ROBO1: variants seen among roughly 807,000 people sequenced by gnomAD.
ROBO1 encodes roundabout homolog 1.
Under a neutral mutation model 195.9 loss-of-function variants are expected in ROBO1, and 149 were observed. The ratio of observed to expected loss-of-function variants is 0.76; its 90% CI spans 0.67 to 0.87. The LOEUF (loss-of-function observed/expected upper bound fraction) is 0.87. Among genes scored for constraint, ROBO1 ranks in the 40% least tolerant of loss-of-function variants. The pLI, the probability that ROBO1 is intolerant of heterozygous loss-of-function variation, is 0.00. For missense variants in ROBO1, 1,933 were observed against 2,068.3 expected (o/e 0.93, Z 1.27); for synonymous variants, 816 against 733.2 (o/e 1.11, Z -1.82).
chr3:78,602,799 C>G (rs1173796509), intron 29 of ROBO1, among the ~76,000 whole-genome samples: 1 of 152,280 alleles, frequency 6.6e-6, no homozygotes, highest in East Asian at 1.9e-4. Context: ...CAAACTCAAC[C>G]TGTTGAACAT....
At chr3:79,030,225 A>G (rs565292851) in intron 3 of ROBO1, among the ~76,000 whole-genome samples, 2 of 152,226 alleles carry the variant, frequency 1.3e-5, no homozygotes, top group East Asian at 1.9e-4. Context: ...CTCCCCATTG[A>G]CATTCTGCAA....
chr3:79,641,447 A>T (rs1945657960), intron 1 of ROBO1, among the ~76,000 whole-genome samples: 1 of 152,138 alleles, frequency 6.6e-6, no homozygotes, highest in Non-Finnish European at 1.5e-5. Context: ...ACCTAATGCT[A>T]GATGACGAGT....
At chr3:78,745,047 T>C (rs1385727034) in intron 5 of ROBO1, among the ~76,000 whole-genome samples, 1 of 152,126 alleles carries the variant, frequency 6.6e-6, no homozygotes, top group Non-Finnish European at 1.5e-5. Context: ...TGGTGGCTCA[T>C]GCCTGTAATC....
intron 2 of ROBO1, among the ~76,000 whole-genome samples, chr3:79,306,632 A>G (rs1025347411): frequency 2.0e-5 from 3 of 152,240 alleles, no homozygotes; most frequent in East Asian, 1.9e-4. Flanking sequence ...AGATATCAAT[A>G]TATAGTATTA....
chr3:79,657,521 A>C (rs1946203372), intron 1 of ROBO1, among the ~76,000 whole-genome samples: 1 of 152,098 alleles, frequency 6.6e-6, no homozygotes, highest in Non-Finnish European at 1.5e-5. Context: ...AACAAATAAA[A>C]GTTTCATTTA....
At chr3:78,670,330 T>C (rs778591495) in intron 10 of ROBO1, 29 bp from the exon 11 acceptor site, 4 of 1,542,742 alleles carry the variant, frequency 2.6e-6, no homozygotes, top group Admixed American at 2.0e-5. Context: ...GGAAATAGAT[T>C]TCTGCAACTG....
chr3:79,542,852 G>A (rs929118740), intron 2 of ROBO1, among the ~76,000 whole-genome samples: 1 of 151,944 alleles, frequency 6.6e-6, no homozygotes, highest in Non-Finnish European at 1.5e-5. Context: ...CTTTAAGGTA[G>A]TAATATCTGC....
At chr3:78,923,179 C>T (rs528943206) in intron 4 of ROBO1, among the ~76,000 whole-genome samples, 1 of 152,232 alleles carries the variant, frequency 6.6e-6, no homozygotes, top group South Asian at 2.1e-4. Context: ...AGAAAATCAG[C>T]TTCAAGAGTT....
intron 5 of ROBO1, among the ~76,000 whole-genome samples, chr3:78,742,206 G>A (rs578040525): frequency 2.0e-5 from 3 of 152,174 alleles, no homozygotes; most frequent in Non-Finnish European, 4.4e-5. Context: ...CAATAAGCAT[G>A]CAATCTTCAA....
At chr3:79,656,752 C>G (rs1335558830) in intron 1 of ROBO1, among the ~76,000 whole-genome samples, 1 of 151,934 alleles carries the variant, frequency 6.6e-6, no homozygotes, top group Non-Finnish European at 1.5e-5. Flanking sequence ...AAAAAAATAG[C>G]TGAGCATGGT....
Position 78,651,731 on chromosome 3 carries a change from C to T in ROBO1, c.2812+1G>A, listed in dbSNP as rs1706671786. On this transcript the variant is annotated splice_donor_variant, in intron 19 of 30. Transcript: ENST00000464233. LOFTEE classifies it high-confidence loss of function. ...TATGAAAACCTTGGGAAAGCTAATA[C>T]CTTTTCTGATACCCGCGTAGGTACT... is the stretch of plus-strand genomic sequence containing the variant. 6.3e-7 allele frequency: 1 copy of T among 1,581,124 alleles called. No homozygotes were observed. Among genetic ancestry groups the T allele is most frequent in the Non-Finnish European group, 8.6e-7 (1 of 1,164,934 alleles).
intron 2 of ROBO1, among the ~76,000 whole-genome samples, chr3:79,401,719 A>C (rs2037374809): frequency 6.6e-6 from 1 of 151,924 alleles, no homozygotes; most frequent in African/African-American, 2.4e-5. Flanking sequence ...CAGTGTCAGA[A>C]AAAGGAGGAG....
At chr3:79,653,070 A>G (rs566424254) in intron 1 of ROBO1, among the ~76,000 whole-genome samples, 9 of 151,942 alleles carry the variant, frequency 5.9e-5, no homozygotes, top group African/African-American at 1.9e-4. Flanking sequence ...GCAATTTGGA[A>G]TTTTTATTAT....
At chr3:79,395,514 C>T (rs943044401) in intron 2 of ROBO1, among the ~76,000 whole-genome samples, 1 of 151,788 alleles carries the variant, frequency 6.6e-6, no homozygotes, top group East Asian at 1.9e-4. Flanking sequence ...AAAATATTTA[C>T]ATGTTTTTGA....
In ROBO1 at chr3:78,746,764, A is replaced by G; in HGVS notation, c.636T>C (p.Asp212=). 1.3e-6 allele frequency: 2 copies of G among 1,555,992 alleles called. No individual in the cohort carries two copies. The highest frequency in any genetic ancestry group is 1.7e-4 in the Middle Eastern group (1 of 5,784). The part of the protein sequence containing the change: ...ISWKKDGSPL[D]DKDERITIRG... ...TCACAGTTATTCTTTCATCTTTATC[A>G]TCCAGTGGAGAGCCATCTTTCTTCC... The change falls in exon 5 of 31, where the codon GAT becomes GAC. Residue 212 remains aspartate (D), a synonymous_variant. Transcript: ENST00000464233.
chr3:79,094,871 C>G (rs1378850310), intron 3 of ROBO1, among the ~76,000 whole-genome samples: 1 of 145,708 alleles, frequency 6.9e-6, no homozygotes, highest in African/African-American at 2.5e-5. Flanking sequence ...TCCCTCCCTC[C>G]CTCTCTCCCT....
intron 2 of ROBO1, among the ~76,000 whole-genome samples, chr3:79,414,508 T>C (rs1177323493): frequency 1.3e-5 from 2 of 152,114 alleles, no homozygotes; most frequent in Non-Finnish European, 2.9e-5. Context: ...TAGTATATAT[T>C]TATTCATATG....
At chr3:78,622,164 T>C (rs1704496211) in intron 26 of ROBO1, among the ~76,000 whole-genome samples, 2 of 152,182 alleles carry the variant, frequency 1.3e-5, no homozygotes, top group South Asian at 4.1e-4. Context: ...TCCTATTATG[T>C]TGATCACCTA....
At chr3:78,751,265 C>T (rs187513647) in intron 4 of ROBO1, among the ~76,000 whole-genome samples, 90 of 151,852 alleles carry the variant, frequency 5.9e-4, no homozygotes, top group Non-Finnish European at 8.5e-4. Flanking sequence ...ATTAAGGCTC[C>T]TCGGGGGAGA....
Sources: allele counts gnomAD v4.1 joint callset (sites outside exome capture counted in the v4.1 genomes callset), GRCh38; gene constraint gnomAD v4.1.1; transcripts MANE v1.5; gene names NCBI Gene and HGNC (gene_info 2026-07-23, HGNC 2026-07-21).